The following ZNF550 variants were observed in gnomAD, a reference collection of about 807,000 sequenced individuals.
The protein encoded by ZNF550 is zinc finger protein 550.
ZNF550 carries 42 observed loss-of-function variants against 40.2 expected under a neutral mutation model. The observed-to-expected ratio is 1.05, with a 90% CI of 0.82 to 1.35. ZNF550 has a LOEUF of 1.35. Ranked by LOEUF, ZNF550 falls within the 40% of genes most tolerant of loss-of-function variation. The pLI is 0.00. For synonymous variants in ZNF550, 223 were observed against 198.6 expected (o/e 1.12, Z -1.03); for missense variants, 549 against 525.2 (o/e 1.05, Z -0.44).
chr19:57,544,231 T>G, intron 4 of ZNF550: 1 of 985,442 alleles, frequency 1.0e-6, no homozygotes, highest in Non-Finnish European at 1.2e-6. Context: ...CTCATGAGAT[T>G]CTTGCCTATC....
At chr19:57,544,668 G>A (rs1427866173) in intron 4 of ZNF550, 49 of 910,258 alleles carry the variant, frequency 5.4e-5, no homozygotes, top group Non-Finnish European at 6.4e-5. Flanking sequence ...AAAGGTACAT[G>A]CCCACTATGA....
exon 4 of ZNF550, chr19:57,547,901 A>G: frequency 1.2e-6 from 2 of 1,614,154 alleles, no homozygotes; most frequent in Non-Finnish European, 1.7e-6. Flanking sequence ...GAGGTTGAAG[A>G]TTCCAGAGTC....
chr19:57,552,797 T>C, intron 2 of ZNF550, 75 bp from the exon 3 acceptor site: 2 of 1,118,754 alleles, frequency 1.8e-6, no homozygotes, highest in African/African-American at 1.5e-5. Flanking sequence ...GCCTAGGACT[T>C]CATGACAGGG....
exon 4 of ZNF550, chr19:57,547,423 A>G (rs1281694204): frequency 2.4e-5 from 38 of 1,613,638 alleles, no homozygotes; most frequent in Middle Eastern, 3.3e-4. Flanking sequence ...GTGCTGCATG[A>G]GGTACGACCT....
chr19:57,546,453 A>G (rs774389936), intron 4 of ZNF550: 108 of 984,362 alleles, frequency 1.1e-4, no homozygotes, highest in Non-Finnish European at 1.2e-4. Flanking sequence ...AAGCAAGAAG[A>G]TACCTGTAAC....
intron 3 of ZNF550, among the ~76,000 whole-genome samples, chr19:57,549,368 C>T (rs2090052509): frequency 1.3e-5 from 2 of 152,072 alleles, no homozygotes. Flanking sequence ...TCGCTTGAAC[C>T]CGGGAGGCAG....
intron 3 of ZNF550, among the ~76,000 whole-genome samples, chr19:57,550,735 C>G (rs966629107): frequency 7.9e-5 from 12 of 152,108 alleles, no homozygotes; most frequent in African/African-American, 2.9e-4. Flanking sequence ...TGCAGAAATG[C>G]AAAAATTTAA....
At chr19:57,553,395 G>A (rs534283623) in intron 2 of ZNF550, 34 of 152,380 alleles carry the variant, frequency 2.2e-4, no homozygotes, top group African/African-American at 7.5e-4. Flanking sequence ...GCAAAGGTGT[G>A]CTGCTTCCTC....
At chr19:57,559,772 C>A (rs1420284827) in exon 1 of ZNF550, 1 of 1,197,874 alleles carries the variant, frequency 8.3e-7, no homozygotes, top group Admixed American at 2.8e-5. Flanking sequence ...AGGTGAGCCC[C>A]AGTCGCCCTA....
chr19:57,547,934 G>A (rs768118600), exon 4 of ZNF550: 61 of 1,613,956 alleles, frequency 3.8e-5, no homozygotes, highest in Non-Finnish European at 4.7e-5. Context: ...AGAAAGGCCC[G>A]CTCAGATAAG....
chr19:57,553,116 A>G (rs547218844), intron 2 of ZNF550: 1 of 162,080 alleles, frequency 6.2e-6, no homozygotes, highest in Admixed American at 6.4e-5. Flanking sequence ...AGAGGTCTCA[A>G]TAGGAATCAA....
At position 57,555,957 on chromosome 19, in the gene ZNF550, G is replaced by A. The variant is rs1198569910; in HGVS notation, c.154+274C>T. On this transcript the variant is annotated intron_variant, in intron 2 of 4. Transcript: ENST00000457177. The stretch of plus-strand genomic sequence containing the variant: ...CATGGCCCCTGCTTAATAGGGCTGT[G>A]GCCACAGCTGACCCCACCAGGATGG... 1.2e-5 allele frequency: 5 copies of A among 415,386 alleles called. No homozygotes were observed. The Admixed American group carries it at 1.8e-4, about 15-fold the overall frequency. The allele number at this position is 415,386 out of a possible 1,614,324, so 25.7% of individuals were successfully genotyped here. A position where few individuals can be genotyped will look rare whatever the true frequency, so the allele number is the denominator to read the frequency against.
At position 57,547,816 on chromosome 19, in the gene ZNF550, TC is replaced by T. The variant is rs768792293; in HGVS notation, c.427del (p.Glu143ArgfsTer13). 57 of 1,614,044 alleles carry T rather than the reference TC, an allele frequency of 3.5e-5. No individual in the cohort carries two copies. Among genetic ancestry groups the T allele is most frequent in the Non-Finnish European group, 4.7e-5 (56 of 1,180,026 alleles). On this transcript the variant is annotated frameshift_variant, in exon 4 of 5. Coordinates refer to ENST00000457177, the Ensembl canonical transcript of ZNF550. LOFTEE classifies it high-confidence loss of function. ...ATGGGTCTCCTTGTGGAGGTCTGTC[TC>T]CGGTGTCACTTTACCTTTCTGCATT...
chr19:57,559,570 G>A (rs1305019817), intron 1 of ZNF550, 86 bp downstream of exon 1: 3 of 1,356,042 alleles, frequency 2.2e-6, no homozygotes, highest in Non-Finnish European at 2.9e-6. Context: ...CTGCACTGAG[G>A]ACGACCCTGA....
intron 3 of ZNF550, among the ~76,000 whole-genome samples, chr19:57,552,023 GA>G (rs1221708329): frequency 6.6e-6 from 1 of 152,216 alleles, no homozygotes; most frequent in African/African-American, 2.4e-5. Context: ...AGTCCAGAAA[GA>G]AATGTATGAC....
intron 1 of ZNF550, among the ~76,000 whole-genome samples, chr19:57,558,091 A>G (rs1208905517): frequency 1.3e-5 from 2 of 152,240 alleles, no homozygotes; most frequent in African/African-American, 4.8e-5. Context: ...TTTAAAAAGC[A>G]AAAGCAGCAT....
intron 4 of ZNF550, chr19:57,544,104 A>C: frequency 1.0e-6 from 1 of 985,444 alleles, no homozygotes; most frequent in Non-Finnish European, 1.2e-6. Flanking sequence ...TTCCTATATT[A>C]GACAGTAAGT....
upstream of ZNF550, among the ~76,000 whole-genome samples, chr19:57,561,230 C>G (rs2090162870): frequency 6.6e-6 from 1 of 152,174 alleles, no homozygotes; most frequent in Non-Finnish European, 1.5e-5. This position sits in a 1 kb window ranked among gnomAD's most constrained non-coding sequence, Gnocchi z 4.9. Context: ...GTATAAACAC[C>G]CTTTAACCTT....
At chr19:57,549,844 A>G (rs1452747836) in intron 3 of ZNF550, among the ~76,000 whole-genome samples, 1 of 152,206 alleles carries the variant, frequency 6.6e-6, no homozygotes, top group Non-Finnish European at 1.5e-5. Flanking sequence ...TGCATGGCAG[A>G]CAAGAGGGTA....
Sources: allele counts gnomAD v4.1 joint callset (sites outside exome capture counted in the v4.1 genomes callset), GRCh38; gene constraint gnomAD v4.1.1; non-coding constraint Gnocchi (gnomAD v3.1); transcripts MANE v1.5; gene names NCBI Gene and HGNC (gene_info 2026-07-23, HGNC 2026-07-21).